DNAI1: variants seen among roughly 807,000 people sequenced by gnomAD.
DNAI1 encodes the protein dynein, axonemal, intermediate polypeptide 1.
DNAI1 carries 67 observed loss-of-function variants against 92.0 expected under a neutral mutation model. The observed-to-expected ratio is 0.73, with a 90% CI of 0.60 to 0.89. DNAI1 has a LOEUF of 0.89. Among genes scored for constraint, DNAI1 ranks in the 40% least tolerant of loss-of-function variants. DNAI1 has a pLI of 0.00. For missense variants in DNAI1, 839 were observed against 866.6 expected, an observed-to-expected ratio of 0.97 and a Z score of 0.40; for synonymous variants, 323 against 319.6, an observed-to-expected ratio of 1.01 and a Z score of -0.11.
intron 10 of DNAI1, among the ~76,000 whole-genome samples, chr9:34,498,103 A>C (rs531384373): frequency 6.6e-6 from 1 of 152,272 alleles, no homozygotes; most frequent in Admixed American, 6.5e-5. Context: ...GGTGGAGGTG[A>C]GGCTCAAATG....
chr9:34,491,823 C>T (rs994159490), intron 8 of DNAI1, among the ~76,000 whole-genome samples: 2 of 152,220 alleles, frequency 1.3e-5, no homozygotes, highest in Non-Finnish European at 2.9e-5. Flanking sequence ...CTGGATGGAG[C>T]TTCTTCCATG....
At chr9:34,482,582 T>C (rs1824382656) in intron 1 of DNAI1, among the ~76,000 whole-genome samples, 1 of 152,156 alleles carries the variant, frequency 6.6e-6, no homozygotes, top group South Asian at 2.1e-4. Flanking sequence ...AGAGTGTTGA[T>C]TGGTGCACTC....
At chr9:34,477,212 TGTGGC>T in intron 1 of DNAI1, among the ~76,000 whole-genome samples, 1 of 151,970 alleles carries the variant, frequency 6.6e-6, no homozygotes, top group South Asian at 2.1e-4. Context: ...GGAGATGGGG[TGTGGC>T]TTCGTTGCCC....
At chr9:34,467,410 C>T (rs1824057554) in intron 1 of DNAI1, among the ~76,000 whole-genome samples, 2 of 149,928 alleles carry the variant, frequency 1.3e-5, no homozygotes, top group African/African-American at 4.9e-5. Flanking sequence ...CCAGCCTGGA[C>T]AACACAGCAA....
At chr9:34,509,986 C>T (rs528277248) in intron 13 of DNAI1, among the ~76,000 whole-genome samples, 1 of 152,122 alleles carries the variant, frequency 6.6e-6, no homozygotes, top group East Asian at 1.9e-4. Flanking sequence ...AGGGAGGCAT[C>T]CTCCAGGCAG....
intron 18 of DNAI1, among the ~76,000 whole-genome samples, chr9:34,516,369 T>C (rs184056025): frequency 6.6e-6 from 1 of 152,246 alleles, no homozygotes; most frequent in Admixed American, 6.5e-5. Flanking sequence ...GGAGGATGGA[T>C]TGTAACAAGG....
In DNAI1 at chr9:34,514,343, G is replaced by A. The variant is rs1467593419; in HGVS notation, c.1570-51G>A. 12 of 1,605,638 alleles carry A rather than the reference G, an allele frequency of 7.5e-6. No homozygotes were observed. In the African/African-American group the frequency reaches 1.1e-4, roughly 14 times the overall value. On this transcript the variant is annotated intron_variant, in intron 16 of 19. Coordinates refer to ENST00000242317, the MANE Select transcript of DNAI1 (RefSeq NM_012144.4). ...GATCCTCCAGACCCCCAGGGAAGTG[G>A]TGGCTGCTGACCTTTCTCTCACTTC...
intron 4 of DNAI1, 98 bp from the exon 5 acceptor site, chr9:34,489,225 A>T: frequency 6.9e-7 from 1 of 1,449,870 alleles, no homozygotes; most frequent in Non-Finnish European, 9.7e-7. Context: ...CCTTTAACAA[A>T]GATGGACTGT....
intron 18 of DNAI1, among the ~76,000 whole-genome samples, chr9:34,515,168 G>A (rs1564043426): frequency 6.6e-6 from 1 of 152,196 alleles, no homozygotes; most frequent in Non-Finnish European, 1.5e-5. Flanking sequence ...TCAGTGGGGT[G>A]GAATGGGAGG....
chr9:34,495,015 A>C (rs767430887), intron 9 of DNAI1, among the ~76,000 whole-genome samples: 8 of 152,176 alleles, frequency 5.3e-5, no homozygotes, highest in Non-Finnish European at 1.0e-4. Flanking sequence ...GAAAACTCAA[A>C]TGTGCTGGAG....
chr9:34,490,042 A>T lies in DNAI1; in HGVS notation c.419A>T (p.Glu140Val), dbSNP rs779195390. The T allele has an allele frequency of 1.9e-5, 30 of 1,614,092 alleles. No homozygotes were observed. In the South Asian group the frequency reaches 2.1e-4, roughly 11 times the overall value. The change falls in exon 6 of 20, where the codon GAA becomes GTA. Residue 140 changes from glutamate to valine, a missense_variant. By Grantham distance (121) the Glu-to-Val change is moderately radical. Transcript: ENST00000242317. Reference sequence around the variant, plus strand: ...CAGGAGTCTGTCAAGGTGATTTCAGAAACAGGAAACCTCGAAGAAGACGAA... The same window carrying T: ...CAGGAGTCTGTCAAGGTGATTTCAGTAACAGGAAACCTCGAAGAAGACGAA... ...GSQESVKVIS[E>V]TGNLEEDEEP...
rs761618627 is a variant in DNAI1 at position 34,484,461 on chromosome 9, G to T, written c.82-681G>T. Among the ~76,000 whole-genome samples, 6 of 152,186 alleles carry T rather than the reference G, an allele frequency of 3.9e-5. 1 individual carries two copies. The East Asian group carries it at 7.7e-4, about 20-fold the overall frequency. ...ACAGCCCCATGAATGCTGGATATTC[G>T]TTTTGGTTGTTTTATAGTTTGCCAA... On this transcript the variant is annotated intron_variant, in intron 2 of 19. Coordinates refer to ENST00000242317, the MANE Select transcript of DNAI1 (RefSeq NM_012144.4).
intron 10 of DNAI1, among the ~76,000 whole-genome samples, 185 bp from the exon 11 acceptor site, chr9:34,500,537 T>C (rs1160684521): frequency 6.6e-6 from 1 of 152,168 alleles, no homozygotes; most frequent in East Asian, 1.9e-4. Flanking sequence ...TTTTCTAAGC[T>C]CTTTGCATAT....
Position 34,497,120 on chromosome 9 carries a change from T to C in DNAI1, c.822T>C (p.Asp274=). Residue 274 remains aspartate (D), a synonymous_variant, in exon 10 of 20, where the codon GAT becomes GAC. Coordinates refer to ENST00000242317, the MANE Select transcript of DNAI1 (RefSeq NM_012144.4). ...AAGTTTCTGTATCCCCACAGACTGA[T>C]GATCTCATCAAATTGTCCCAAGCTG... ...RKLTSMESQT[D]DLIKLSQAAK... The C allele has an allele frequency of 6.2e-7, 1 of 1,613,926 alleles. No individual in the cohort carries two copies. The highest frequency in any genetic ancestry group is 8.5e-7 in the Non-Finnish European group (1 of 1,179,764).
chr9:34,464,435 T>C (rs10125115), intron 1 of DNAI1, among the ~76,000 whole-genome samples: 25,675 of 151,992 alleles, frequency 0.17, 2,319 homozygotes, highest in African/African-American at 0.21. Context: ...CTGCCCCCTT[T>C]CTGGAATGCT....
At chr9:34,488,521 T>G (rs1824519267) in intron 4 of DNAI1, 1 of 153,204 alleles carries the variant, frequency 6.5e-6, no homozygotes, top group Admixed American at 6.5e-5. Flanking sequence ...CAAACATAGT[T>G]TCTATATGGC....
At chr9:34,480,272 C>CTTTTTTTTTTT (rs202115133) in intron 1 of DNAI1, among the ~76,000 whole-genome samples, 3 of 99,434 alleles carry the variant, frequency 3.0e-5, no homozygotes, top group African/African-American at 7.9e-5. Flanking sequence ...TTTGGTGGAA[C>CTTTTTTTTTTT]TTTTTTTTTT....
In DNAI1 at chr9:34,506,732, A is replaced by T; in HGVS notation, c.1169A>T (p.Asp390Val). 1 of 1,614,184 alleles carries T rather than the reference A, an allele frequency of 6.2e-7. No individual in the cohort carries two copies. Among genetic ancestry groups the T allele is most frequent in the Non-Finnish European group, 8.5e-7 (1 of 1,180,032 alleles). The stretch of plus-strand genomic sequence containing the variant: ...AGCAACAGCGGCGTCATGTGTCTCG[A>T]CATCCACGTGGACCACCCCTACCTG... ...FSSNSGVMCL[D>V]IHVDHPYLVA... The change falls in exon 13 of 20, where the codon GAC (aspartate) becomes GTC (valine). Residue 390 changes from aspartate to valine, a missense_variant. By Grantham distance (152) the Asp-to-Val change is radical. Transcript: ENST00000242317.
intron 4 of DNAI1, among the ~76,000 whole-genome samples, chr9:34,486,679 G>T (rs1824479371): frequency 6.6e-6 from 1 of 151,968 alleles, no homozygotes; most frequent in Non-Finnish European, 1.5e-5. Flanking sequence ...CAATTCAGTG[G>T]CTTTTAGTAC....
Sources: gnomAD v4.1 joint callset for allele counts (sites outside exome capture counted in the v4.1 genomes callset) on GRCh38, gnomAD v4.1.1 for gene constraint, MANE v1.5 for transcripts, NCBI Gene and HGNC (gene_info 2026-07-23, HGNC 2026-07-21) for gene names.